The following CRPPA variants were observed in gnomAD, a reference collection of about 807,000 sequenced individuals.
The protein encoded by CRPPA is CDP-L-ribitol pyrophosphorylase A.
CRPPA carries 43 observed loss-of-function variants against 52.0 expected under a neutral mutation model. The ratio of observed to expected loss-of-function variants is 0.83; its 90% CI spans 0.65 to 1.07. The LOEUF is 1.07. CRPPA is among the 50% of genes least tolerant of loss of function. The pLI is 0.00. For missense variants in CRPPA, 629 were observed against 551.7 expected, an observed-to-expected ratio of 1.14 and a Z score of -1.40; for synonymous variants, 250 against 203.5, an observed-to-expected ratio of 1.23 and a Z score of -1.94.
intron 5 of CRPPA, among the ~76,000 whole-genome samples, chr7:16,294,233 T>A (rs61666208): frequency 0.72 from 109,632 of 151,700 alleles, 39,941 homozygotes; most frequent in Admixed American, 0.79. Flanking sequence ...TTGGGTTTTT[T>A]TGGGTTTTTT....
intron 9 of CRPPA, among the ~76,000 whole-genome samples, chr7:16,135,814 T>TA (rs1782752984): frequency 6.6e-6 from 1 of 152,204 alleles, no homozygotes; most frequent in African/African-American, 2.4e-5. Flanking sequence ...CTTCAGTTGT[T>TA]AATCTCCCAT....
At chr7:16,299,768 T>A (rs931075538) in intron 5 of CRPPA, among the ~76,000 whole-genome samples, 2 of 152,186 alleles carry the variant, frequency 1.3e-5, no homozygotes, top group African/African-American at 4.8e-5. Context: ...ACCTATTACA[T>A]AGACAAAAGC....
intron 6 of CRPPA, chr7:16,269,740 T>C (rs1305519494): frequency 2.0e-5 from 3 of 152,182 alleles, no homozygotes; most frequent in Admixed American, 6.5e-5. Flanking sequence ...ATTGTTTAGC[T>C]AAAGCTACTA....
At chr7:16,389,733 G>T (rs868592399) in intron 2 of CRPPA, among the ~76,000 whole-genome samples, 6 of 151,398 alleles carry the variant, frequency 4.0e-5, no homozygotes, top group African/African-American at 1.5e-4. Flanking sequence ...AGTAAACACT[G>T]TAATGGGAGT....
chr7:16,367,982 T>G (rs766628695), intron 3 of CRPPA, among the ~76,000 whole-genome samples: 2 of 152,106 alleles, frequency 1.3e-5, no homozygotes, highest in Non-Finnish European at 2.9e-5. Flanking sequence ...TTTCATGAAT[T>G]TTCATTCAAA....
At chr7:16,249,403 T>C (rs1370389019) in intron 8 of CRPPA, among the ~76,000 whole-genome samples, 2 of 152,176 alleles carry the variant, frequency 1.3e-5, no homozygotes, top group Non-Finnish European at 2.9e-5. Flanking sequence ...CCTGCTCAAG[T>C]GGGTCCCTGA....
At position 16,301,861 on chromosome 7, in the gene CRPPA, G is replaced by C. The variant is rs541135434; in HGVS notation, c.790-395C>G. On this transcript the variant is annotated intron_variant, in intron 4 of 9. Transcript: ENST00000407010. ...AAAAAGTCACTGAGTTACATTCTTA[G>C]CTGAAATAATTCTGAAAGGTCAATT... Among the ~76,000 whole-genome samples the C allele has an allele frequency of 6.5e-4, 99 of 152,242 alleles. No individual in the cohort carries two copies. In the South Asian group the frequency reaches 0.019, roughly 30 times the overall value.
intron 2 of CRPPA, among the ~76,000 whole-genome samples, chr7:16,388,480 T>G (rs1032362246): frequency 6.6e-6 from 1 of 151,848 alleles, no homozygotes; most frequent in Admixed American, 6.6e-5. Flanking sequence ...CTTAAGACAC[T>G]GGGGGAAAGA....
intron 8 of CRPPA, among the ~76,000 whole-genome samples, chr7:16,256,137 T>C (rs993434246): frequency 2.0e-5 from 3 of 152,130 alleles, no homozygotes; most frequent in African/African-American, 7.2e-5. Flanking sequence ...GTGAAAGATA[T>C]GAACAGACAG....
rs145355207 is a variant in CRPPA at position 16,416,033 on chromosome 7, T to C, written c.257+5033A>G. 1.3e-3 allele frequency among the ~76,000 whole-genome samples: 200 copies of C among 152,276 alleles called. 4 individuals are homozygous for C. In the East Asian group the frequency reaches 0.036, roughly 28 times the overall value. ...TTTCTTAGGTGAGATATTAAAAAAT[T>C]ACAACTTCTCAACCCTCTATTAGTG... On this transcript the variant is annotated intron_variant, in intron 1 of 9. Coordinates refer to ENST00000407010, the MANE Select transcript of CRPPA (RefSeq NM_001101426.4).
chr7:16,359,502 T>C (rs917597937), intron 3 of CRPPA, among the ~76,000 whole-genome samples: 7 of 152,206 alleles, frequency 4.6e-5, no homozygotes, highest in Admixed American at 6.5e-5. Flanking sequence ...GTCTGTTATG[T>C]CTAATTCTTT....
At chr7:16,127,715 T>G (rs1049790746) in intron 9 of CRPPA, among the ~76,000 whole-genome samples, 2 of 152,124 alleles carry the variant, frequency 1.3e-5, no homozygotes, top group Non-Finnish European at 2.9e-5. Context: ...ATTGCCAAAT[T>G]AAAACACATA....
At chr7:16,238,848 C>A (rs1783021760) in intron 8 of CRPPA, among the ~76,000 whole-genome samples, 1 of 151,934 alleles carries the variant, frequency 6.6e-6, no homozygotes, top group Non-Finnish European at 1.5e-5. Context: ...GAAAAAGAAG[C>A]CATTTAGGTC....
At chr7:16,140,839 G>C (rs1387968614) in intron 9 of CRPPA, among the ~76,000 whole-genome samples, 1 of 152,114 alleles carries the variant, frequency 6.6e-6, no homozygotes, top group East Asian at 1.9e-4. Flanking sequence ...GAAATACTAA[G>C]AACTATTCAT....
intron 3 of CRPPA, among the ~76,000 whole-genome samples, chr7:16,312,865 G>A (rs374693308): frequency 4.6e-4 from 70 of 152,008 alleles, no homozygotes; most frequent in African/African-American, 1.7e-3. Context: ...GCCTATTGAT[G>A]TGATGAAATA....
intron 9 of CRPPA, among the ~76,000 whole-genome samples, chr7:16,094,649 G>A (rs1781900979): frequency 6.6e-6 from 1 of 151,912 alleles, no homozygotes; most frequent in Non-Finnish European, 1.5e-5. Flanking sequence ...CATTTAAAAT[G>A]TTTATTAAAC....
chr7:16,334,063 GA>G (rs1171712051), intron 3 of CRPPA, among the ~76,000 whole-genome samples: 1 of 152,006 alleles, frequency 6.6e-6, no homozygotes, highest in Admixed American at 6.6e-5. Flanking sequence ...AAGTCAGTTA[GA>G]AACAAAAAAT....
At chr7:16,163,179 T>C (rs933598214) in intron 9 of CRPPA, among the ~76,000 whole-genome samples, 2 of 151,970 alleles carry the variant, frequency 1.3e-5, no homozygotes, top group African/African-American at 4.8e-5. Flanking sequence ...TTTCACCATG[T>C]TAGCCAGGAT....
chr7:16,108,613 C>A (rs1782200909), intron 9 of CRPPA, among the ~76,000 whole-genome samples: 1 of 151,848 alleles, frequency 6.6e-6, no homozygotes, highest in Non-Finnish European at 1.5e-5. Flanking sequence ...ATGGACCTCA[C>A]AGACTTATAC....
Sources: allele counts gnomAD v4.1 joint callset (sites outside exome capture counted in the v4.1 genomes callset), GRCh38; gene constraint gnomAD v4.1.1; transcripts MANE v1.5; gene names NCBI Gene and HGNC (gene_info 2026-07-23, HGNC 2026-07-21).